Variants in ACVR1 observed in about 807,000 individuals in gnomAD.
The protein encoded by ACVR1 is activin receptor type-1.
A neutral mutation model predicts 57.1 loss-of-function variants in ACVR1; 38 were observed. The ratio of observed to expected loss-of-function variants is 0.67; its 90% CI spans 0.51 to 0.87. ACVR1 has a LOEUF of 0.87. Ranked by LOEUF, ACVR1 falls within the 40% of genes least tolerant of loss-of-function variation. The pLI is 0.00. For synonymous variants in ACVR1, 212 were observed against 228.1 expected, an observed-to-expected ratio of 0.93 and a Z score of 0.63; for missense variants, 463 against 638.2, an observed-to-expected ratio of 0.73 and a Z score of 2.96.
At chr2:157,836,306 G>C (rs573082267) in intron 1 of ACVR1, among the ~76,000 whole-genome samples, 2 of 152,336 alleles carry the variant, frequency 1.3e-5, no homozygotes, top group Admixed American at 1.3e-4. Context: ...TTAGTGATGA[G>C]AGAAGAAACC....
intron 3 of ACVR1, among the ~76,000 whole-genome samples, chr2:157,798,441 T>A (rs1361276821): frequency 1.3e-5 from 2 of 149,642 alleles, no homozygotes; most frequent in Admixed American, 1.4e-4. Context: ...CCTATATAGG[T>A]GCAAGCATGT....
At chr2:157,774,359 G>A (rs1686191180) in intron 5 of ACVR1, among the ~76,000 whole-genome samples, 172 bp from the exon 6 acceptor site, 1 of 152,090 alleles carries the variant, frequency 6.6e-6, no homozygotes, top group Admixed American at 6.6e-5. Context: ...TGGTTTTATT[G>A]TTTTGTATTT....
chr2:157,813,438 G>A (rs1305083853), intron 2 of ACVR1, among the ~76,000 whole-genome samples: 2 of 152,064 alleles, frequency 1.3e-5, no homozygotes, highest in South Asian at 2.1e-4. Flanking sequence ...GGTACAAGGC[G>A]GCCAACACAG....
At chr2:157,774,430 T>A (rs1686195082) in intron 5 of ACVR1, among the ~76,000 whole-genome samples, 1 of 152,210 alleles carries the variant, frequency 6.6e-6, no homozygotes, top group African/African-American at 2.4e-5. Flanking sequence ...AATGGCGCAA[T>A]CTGGGTTCAC....
intron 1 of ACVR1, among the ~76,000 whole-genome samples, chr2:157,837,818 G>A (rs1264982034): frequency 6.6e-6 from 1 of 152,064 alleles, no homozygotes; most frequent in Non-Finnish European, 1.5e-5. Flanking sequence ...AGGAGGAGGA[G>A]AGGAGGAGGT....
intron 1 of ACVR1, among the ~76,000 whole-genome samples, chr2:157,818,845 G>A (rs1250995736): frequency 1.3e-5 from 2 of 151,920 alleles, no homozygotes; most frequent in South Asian, 2.1e-4. Context: ...TTGGGAGGCC[G>A]AGGCGGGCGG....
chr2:157,855,317 T>TAG, intron 1 of ACVR1, among the ~76,000 whole-genome samples: 1 of 107,610 alleles, frequency 9.3e-6, no homozygotes, highest in East Asian at 3.0e-4. Context: ...TGTATATATA[T>TAG]ATATATACAC....
intron 1 of ACVR1, among the ~76,000 whole-genome samples, chr2:157,866,447 G>A (rs567753142): frequency 2.0e-5 from 3 of 152,128 alleles, no homozygotes; most frequent in African/African-American, 7.2e-5. Context: ...AGGGAGGCGG[G>A]GGGGAAAGCT....
chr2:157,789,703 T>C (rs1686837538), intron 3 of ACVR1, among the ~76,000 whole-genome samples: 1 of 152,228 alleles, frequency 6.6e-6, no homozygotes, highest in Non-Finnish European at 1.5e-5. Context: ...TGGGATTCTA[T>C]TCTGTGATTG....
chr2:157,759,476 A>G (rs921102380), intron 9 of ACVR1, among the ~76,000 whole-genome samples: 6 of 152,064 alleles, frequency 3.9e-5, no homozygotes, highest in Admixed American at 3.9e-4. Flanking sequence ...TATTCCCACA[A>G]AGAAAACCTC....
rs1420439161 is a variant in ACVR1 at position 157,841,619 on chromosome 2, TG to T, written c.-182-23061del. Reference sequence around the variant, plus strand: ...ATTAGGAAGGCTAAGGCAAAAGGATTGCTTGAGCCCAAAAGTTCAAGGTTGG... The same window carrying T: ...ATTAGGAAGGCTAAGGCAAAAGGATTCTTGAGCCCAAAAGTTCAAGGTTGG... On this transcript the variant is annotated intron_variant, in intron 1 of 10. Transcript: ENST00000434821. Among the ~76,000 whole-genome samples the T allele has an allele frequency of 2.6e-5, 4 of 152,250 alleles. No homozygotes were observed. The Middle Eastern group carries it at 0.014, about 518-fold the overall frequency.
At chr2:157,842,268 C>T (rs1421468560) in intron 1 of ACVR1, among the ~76,000 whole-genome samples, 2 of 152,172 alleles carry the variant, frequency 1.3e-5, no homozygotes, top group Non-Finnish European at 2.9e-5. Flanking sequence ...GGATGGATCT[C>T]TCTTCCAACC....
At chr2:157,745,608 A>G (rs1684937164) in intron 9 of ACVR1, among the ~76,000 whole-genome samples, 1 of 152,160 alleles carries the variant, frequency 6.6e-6, no homozygotes, top group South Asian at 2.1e-4. Context: ...GGGGGAAAAT[A>G]ATTCTTCCCT....
intron 1 of ACVR1, among the ~76,000 whole-genome samples, chr2:157,854,076 C>G (rs886953971): frequency 6.6e-6 from 1 of 151,942 alleles, no homozygotes; most frequent in Admixed American, 6.6e-5. Flanking sequence ...TCTCTTGAAG[C>G]CAGGAATAGC....
intron 1 of ACVR1, among the ~76,000 whole-genome samples, chr2:157,835,090 G>A (rs1688733511): frequency 6.6e-6 from 1 of 152,120 alleles, no homozygotes; most frequent in Non-Finnish European, 1.5e-5. Flanking sequence ...AATCCATATA[G>A]ACTAAAAATG....
intron 9 of ACVR1, among the ~76,000 whole-genome samples, chr2:157,747,847 A>C (rs981474513): frequency 6.6e-6 from 1 of 152,220 alleles, no homozygotes; most frequent in East Asian, 1.9e-4. Context: ...TCATTGCCAA[A>C]GGACAGTGGC....
intron 1 of ACVR1, among the ~76,000 whole-genome samples, chr2:157,823,578 G>C (rs1012389167): frequency 1.3e-5 from 2 of 152,192 alleles, no homozygotes; most frequent in African/African-American, 4.8e-5. Flanking sequence ...ATACAGTGAA[G>C]ATGGGCTTTC....
chr2:157,836,394 GCTCACAAT>G, intron 1 of ACVR1, among the ~76,000 whole-genome samples: 1 of 152,284 alleles, frequency 6.6e-6, no homozygotes, highest in South Asian at 2.1e-4. Context: ...CCTTGAGACA[GCTCACAAT>G]CTACATGGGG....
intron 1 of ACVR1, among the ~76,000 whole-genome samples, chr2:157,833,252 T>G (rs1434169229): frequency 6.6e-6 from 1 of 152,222 alleles, no homozygotes; most frequent in Non-Finnish European, 1.5e-5. Flanking sequence ...GTTGGCTTCC[T>G]GTATCTTTGT....
Sources: allele counts gnomAD v4.1 joint callset (sites outside exome capture counted in the v4.1 genomes callset), GRCh38; gene constraint gnomAD v4.1.1; transcripts MANE v1.5; gene names NCBI Gene and HGNC (gene_info 2026-07-23, HGNC 2026-07-21).